Variants in SNX29 observed in about 807,000 individuals in gnomAD.
SNX29 encodes sorting nexin 29.
A neutral mutation model predicts 102.1 loss-of-function variants in SNX29; 78 were observed. The observed-to-expected ratio is 0.76, with a 90% CI of 0.64 to 0.92. SNX29 has a LOEUF of 0.92. Ranked by LOEUF, SNX29 falls within the 40% of genes least tolerant of loss-of-function variation. The pLI, the probability that SNX29 is intolerant of heterozygous loss-of-function variation, is 0.00. For missense variants in SNX29, 1,280 were observed against 1,061.7 expected, an observed-to-expected ratio of 1.21 and a Z score of -2.86; for synonymous variants, 580 against 414.5, an observed-to-expected ratio of 1.40 and a Z score of -4.85.
At chr16:12,204,069 G>A (rs2076985410) in intron 14 of SNX29, among the ~76,000 whole-genome samples, 1 of 152,162 alleles carries the variant, frequency 6.6e-6, no homozygotes. Context: ...TGTTAGGCTG[G>A]GAGACTGGGG....
chr16:12,343,027 A>T (rs967624573), intron 15 of SNX29, among the ~76,000 whole-genome samples: 1 of 152,232 alleles, frequency 6.6e-6, no homozygotes, highest in African/African-American at 2.4e-5. Flanking sequence ...GATGCTCATA[A>T]AATTTAATGT....
intron 20 of SNX29, among the ~76,000 whole-genome samples, chr16:12,534,417 A>G (rs1597788900): frequency 6.6e-6 from 1 of 152,302 alleles, no homozygotes; most frequent in East Asian, 1.9e-4. Flanking sequence ...CTGTGTAGCC[A>G]GCGGCTGCAC....
intron 15 of SNX29, among the ~76,000 whole-genome samples, chr16:12,334,754 C>T (rs2081396174): frequency 6.6e-6 from 1 of 152,126 alleles, no homozygotes; most frequent in South Asian, 2.1e-4. Context: ...ACTTGGGGCT[C>T]AGTAGTGGTG....
At chr16:12,080,707 TTG>T (rs1202931488) in intron 11 of SNX29, among the ~76,000 whole-genome samples, 2 of 149,854 alleles carry the variant, frequency 1.3e-5, no homozygotes, top group African/African-American at 4.9e-5. Context: ...TTTTTTTTTT[TTG>T]AGACAGAGTC....
intron 11 of SNX29, among the ~76,000 whole-genome samples, chr16:12,103,761 C>G (rs1247776976): frequency 6.6e-6 from 1 of 152,208 alleles, no homozygotes; most frequent in East Asian, 1.9e-4. Flanking sequence ...AGGCAACCCA[C>G]AGAATGGGAG....
chr16:12,335,248 A>G (rs2081412204), intron 15 of SNX29, among the ~76,000 whole-genome samples: 1 of 152,080 alleles, frequency 6.6e-6, no homozygotes, highest in Non-Finnish European at 1.5e-5. Context: ...GCAGGGAGGT[A>G]GGGGGAGGAG....
intron 19 of SNX29, among the ~76,000 whole-genome samples, chr16:12,494,369 C>G (rs907903409): frequency 1.3e-5 from 2 of 152,194 alleles, no homozygotes. Flanking sequence ...GACTTGTTTT[C>G]TGGGGGAGCA....
chr16:12,079,795 G>A (rs949171554), intron 11 of SNX29, among the ~76,000 whole-genome samples: 6 of 152,188 alleles, frequency 3.9e-5, no homozygotes, highest in African/African-American at 1.4e-4. Context: ...TTGCCTTGTA[G>A]ACCAAAATAG....
intron 3 of SNX29, among the ~76,000 whole-genome samples, chr16:12,015,854 A>T (rs1002017554): frequency 6.7e-6 from 1 of 149,862 alleles, no homozygotes; most frequent in Non-Finnish European, 1.5e-5. Flanking sequence ...TATAGTTCTA[A>T]TGATTCTTTT....
At chr16:12,142,549 C>T (rs930774608) in intron 13 of SNX29, among the ~76,000 whole-genome samples, 2 of 151,966 alleles carry the variant, frequency 1.3e-5, no homozygotes, top group Admixed American at 6.6e-5. Flanking sequence ...TCAAGATGAA[C>T]GATTGATATT....
rs557888009 is a variant in SNX29 at position 12,116,865 on chromosome 16, G to C, written c.1403-9768G>C. ...CAACGAGGACGAACCATGGAAACAG[G>C]CTTAGTCAATACCTGCTTCAACGCG... is the stretch of plus-strand genomic sequence containing the variant. On this transcript the variant is annotated intron_variant, in intron 11 of 20. Transcript: ENST00000566228. Among the ~76,000 whole-genome samples, 445 of 152,302 alleles carry C rather than the reference G, an allele frequency of 2.9e-3. 3 individuals carry two copies. The highest frequency in any genetic ancestry group is 5.6e-3 in the Admixed American group (85 of 15,288).
chr16:12,311,090 A>T (rs1270060101), intron 15 of SNX29, among the ~76,000 whole-genome samples: 4 of 152,230 alleles, frequency 2.6e-5, no homozygotes, highest in Admixed American at 1.3e-4. Flanking sequence ...GTTATAAGTG[A>T]GGGCTGGTCC....
At chr16:12,348,478 C>T (rs994456764) in intron 15 of SNX29, among the ~76,000 whole-genome samples, 1 of 152,204 alleles carries the variant, frequency 6.6e-6, no homozygotes, top group Non-Finnish European at 1.5e-5. Context: ...ATGGCTTTTC[C>T]CCTCTGCCTG....
intron 14 of SNX29, among the ~76,000 whole-genome samples, chr16:12,232,007 T>C (rs1175153565): frequency 6.6e-6 from 1 of 152,206 alleles, no homozygotes; most frequent in Non-Finnish European, 1.5e-5. Flanking sequence ...GCTGGCCCTT[T>C]GTTTTAATGG....
At chr16:12,324,935 C>T (rs982640166) in intron 15 of SNX29, among the ~76,000 whole-genome samples, 16 of 152,160 alleles carry the variant, frequency 1.1e-4, no homozygotes, top group Admixed American at 2.0e-4. Flanking sequence ...TCAACCGGGA[C>T]GCAAGCTCTT....
intron 11 of SNX29, among the ~76,000 whole-genome samples, chr16:12,100,429 C>A (rs902005705): frequency 6.6e-6 from 1 of 152,084 alleles, no homozygotes; most frequent in Non-Finnish European, 1.5e-5. Flanking sequence ...GGTTGAAACC[C>A]GCTGCTCTAG....
At chr16:12,547,565 C>T (rs992431278) in intron 20 of SNX29, among the ~76,000 whole-genome samples, 9 of 151,824 alleles carry the variant, frequency 5.9e-5, no homozygotes, top group African/African-American at 1.5e-4. Context: ...TGGTTAACAT[C>T]CCCCTCCCTC....
At chr16:12,006,363 A>G (rs756480041) in intron 3 of SNX29, among the ~76,000 whole-genome samples, 55 of 151,916 alleles carry the variant, frequency 3.6e-4, no homozygotes, top group Non-Finnish European at 6.8e-4. Flanking sequence ...TTAAAATACA[A>G]AATTAGCCAG....
At chr16:12,042,357 C>G (rs1457790946) in intron 4 of SNX29, among the ~76,000 whole-genome samples, 1 of 152,200 alleles carries the variant, frequency 6.6e-6, no homozygotes, top group East Asian at 1.9e-4. Flanking sequence ...TCAGCGGGTA[C>G]ATGTGCAGGT....
Sources: allele counts gnomAD v4.1 joint callset (sites outside exome capture counted in the v4.1 genomes callset), GRCh38; gene constraint gnomAD v4.1.1; transcripts MANE v1.5; gene names NCBI Gene and HGNC (gene_info 2026-07-23, HGNC 2026-07-21).